The following BANP variants were observed in gnomAD, a reference collection of about 807,000 sequenced individuals.
BANP encodes the protein BTG3 associated nuclear protein, also known as protein BANP.
In BANP, 11 loss-of-function variants were observed where a neutral mutation model predicts 68.1. The ratio of observed to expected loss-of-function variants is 0.16; its 90% confidence interval spans 0.10 to 0.27. The LOEUF (loss-of-function observed/expected upper bound fraction) is 0.27, where lower values mean the gene tolerates loss of function less well. Ranked by LOEUF, BANP falls within the 10% of genes least tolerant of loss-of-function variation. BANP has a pLI of 1.00. For synonymous variants in BANP, 329 were observed against 303.2 expected (o/e 1.09, Z -0.88); for missense variants, 504 against 722.7 (o/e 0.70, Z 3.47).
chr16:88,011,173 C>G (rs4843842), intron 6 of BANP, among the ~76,000 whole-genome samples: 148,446 of 152,282 alleles, frequency 0.97, 72,451 homozygotes, highest in East Asian at 1. Flanking sequence ...CAGCGGCTTG[C>G]GTTGAGTTTC....
chr16:87,983,052 C>T, intron 3 of BANP, among the ~76,000 whole-genome samples: 1 of 152,026 alleles, frequency 6.6e-6, no homozygotes, highest in Non-Finnish European at 1.5e-5. Context: ...CTCAGTGCCA[C>T]CCCTGCTGTC....
intron 11 of BANP, among the ~76,000 whole-genome samples, chr16:88,039,037 C>G (rs1310840983): frequency 6.6e-6 from 1 of 152,228 alleles, no homozygotes; most frequent in Non-Finnish European, 1.5e-5. Flanking sequence ...GAGCGAGGTG[C>G]TTTACACAGA....
intron 11 of BANP, among the ~76,000 whole-genome samples, chr16:88,041,090 C>T (rs1221275832): frequency 1.3e-5 from 2 of 152,234 alleles, no homozygotes; most frequent in Non-Finnish European, 2.9e-5. Flanking sequence ...CACCCCAGCC[C>T]CTTTCCTTGT....
chr16:87,975,157 A>G lies in BANP; in HGVS notation c.42A>G (p.Ala14=). 1.2e-6 allele frequency: 2 copies of G among 1,614,178 alleles called. No individual in the cohort carries two copies. Among genetic ancestry groups the G allele is most frequent in the Admixed American group, 1.7e-5 (1 of 60,024 alleles). Residue 14 remains alanine (A), a synonymous_variant, in exon 2 of 14, where the codon GCA becomes GCG. Coordinates refer to ENST00000682872, the MANE Select transcript of BANP (RefSeq NM_001386991.1). The part of the protein sequence containing the change: ...EHDLADVVQI[A]VEDLSPDHPV... ...ACCTGGCCGATGTGGTTCAGATTGC[A>G]GTGGAAGACCTGAGCCCTGACCACC...
intron 4 of BANP, among the ~76,000 whole-genome samples, chr16:87,987,978 G>A (rs769916588): frequency 1.3e-5 from 2 of 151,996 alleles, no homozygotes; most frequent in Non-Finnish European, 2.9e-5. Context: ...TGTACAGGCT[G>A]GGCATCTTTC....
At chr16:87,953,886 G>A (rs941692484) in intron 1 of BANP, among the ~76,000 whole-genome samples, 2 of 152,114 alleles carry the variant, frequency 1.3e-5, no homozygotes, top group African/African-American at 2.4e-5. Context: ...GGCTCTGTTC[G>A]TTTCCACAGG....
chr16:87,978,184 A>G (rs530740591), intron 2 of BANP, among the ~76,000 whole-genome samples: 20 of 152,358 alleles, frequency 1.3e-4, no homozygotes, highest in South Asian at 2.1e-4. Context: ...GTCGAATTCT[A>G]AAAGTAATGC....
chr16:87,984,000 G>C, intron 3 of BANP, 60 bp from the exon 4 acceptor site: 1 of 1,551,888 alleles, frequency 6.4e-7, no homozygotes, highest in Non-Finnish European at 8.7e-7. Flanking sequence ...GGTGTTTCTT[G>C]GGGTTGTCTT....
At chr16:87,964,118 A>T (rs1276893516) in intron 1 of BANP, among the ~76,000 whole-genome samples, 2 of 152,222 alleles carry the variant, frequency 1.3e-5, no homozygotes, top group Non-Finnish European at 2.9e-5. Context: ...CACAGTCCTT[A>T]TTGAAATCAG....
chr16:87,951,216 G>C (rs1937039391), upstream of BANP, among the ~76,000 whole-genome samples: 1 of 152,232 alleles, frequency 6.6e-6, no homozygotes. Flanking sequence ...CGCAGGCCAT[G>C]GGCGTGGGCG....
intron 4 of BANP, among the ~76,000 whole-genome samples, chr16:87,990,236 A>C (rs903546671): frequency 1.6e-4 from 24 of 152,378 alleles, no homozygotes; most frequent in Non-Finnish European, 3.4e-4. Context: ...ACAATTAAAG[A>C]ACTAGCATGT....
intron 7 of BANP, among the ~76,000 whole-genome samples, chr16:88,021,561 C>T (rs938362329): frequency 2.6e-5 from 4 of 152,246 alleles, no homozygotes; most frequent in African/African-American, 7.2e-5. Flanking sequence ...GCCTGCGTGG[C>T]TCGTGCTTAG....
At position 88,004,690 on chromosome 16, in the gene BANP, C is replaced by T. The variant is rs554374795; in HGVS notation, c.479+279C>T. Among the ~76,000 whole-genome samples, 3 of 152,336 alleles carry T rather than the reference C, an allele frequency of 2.0e-5. No individual in the cohort carries two copies. The South Asian group carries it at 6.2e-4, about 32-fold the overall frequency. On this transcript the variant is annotated intron_variant, in intron 5 of 13. Coordinates refer to ENST00000682872, the MANE Select transcript of BANP (RefSeq NM_001386991.1). The surrounding 1 kb of genome is among the most constrained non-coding windows in gnomAD (Gnocchi z 7.0). ...GGAGGGGGCTGGCTCTGTCTCCTCA[C>T]AGCAGTCTGTGAAAGCGTTCATCCT...
At chr16:88,066,203 C>T (rs977236417) in intron 12 of BANP, among the ~76,000 whole-genome samples, 4 of 152,198 alleles carry the variant, frequency 2.6e-5, no homozygotes, top group Admixed American at 6.5e-5. Flanking sequence ...GGGGATCCCT[C>T]AGGTACACAG....
chr16:88,072,008 G>A (rs2090467047), intron 12 of BANP, 61 bp from the exon 13 acceptor site: 2 of 1,535,318 alleles, frequency 1.3e-6, no homozygotes, highest in Admixed American at 2.0e-5. Flanking sequence ...GGAGCCATGT[G>A]GGTTGTGGGT....
chr16:88,049,255 A>C (rs1315425975), intron 11 of BANP, among the ~76,000 whole-genome samples: 2 of 152,052 alleles, frequency 1.3e-5, no homozygotes, highest in African/African-American at 4.8e-5. Flanking sequence ...GGGTTTGATT[A>C]ATTTGCTGGA....
intron 1 of BANP, among the ~76,000 whole-genome samples, chr16:87,967,812 G>A (rs1318426054): frequency 4.6e-5 from 7 of 152,096 alleles, no homozygotes; most frequent in East Asian, 3.9e-4. Flanking sequence ...TAGTAGAGAC[G>A]GCGTTTCACC....
chr16:88,019,306 CCA>C (rs1197549030), intron 7 of BANP, among the ~76,000 whole-genome samples: 1 of 152,158 alleles, frequency 6.6e-6, no homozygotes, highest in Non-Finnish European at 1.5e-5. Flanking sequence ...TCCATTTGCT[CCA>C]CAGAGCCCGT....
chr16:87,986,396 A>G (rs530698263), intron 4 of BANP, among the ~76,000 whole-genome samples: 16 of 152,274 alleles, frequency 1.1e-4, no homozygotes, highest in Admixed American at 7.8e-4. Flanking sequence ...CTCTGTGAAG[A>G]ACTCCAAAGG....
Sources: allele counts gnomAD v4.1 joint callset (sites outside exome capture counted in the v4.1 genomes callset), GRCh38; gene constraint gnomAD v4.1.1; non-coding constraint Gnocchi (gnomAD v3.1); transcripts MANE v1.5; gene names NCBI Gene and HGNC (gene_info 2026-07-23, HGNC 2026-07-21).